The following ADRA1D variants were observed in gnomAD, a reference collection of about 807,000 sequenced individuals.
The protein encoded by ADRA1D is alpha-1D adrenergic receptor.
A neutral mutation model predicts 18.6 loss-of-function variants in ADRA1D; 22 were observed. That is an observed-to-expected ratio of 1.19 (90% confidence interval 0.85 to 1.69). The LOEUF (loss-of-function observed/expected upper bound fraction) is 1.69. Ranked by LOEUF, ADRA1D falls within the 40% of genes most tolerant of loss-of-function variation. The probability of loss-of-function intolerance (pLI) is 0.00; values close to 1 mark genes in which losing one functional copy is unlikely to be tolerated. For synonymous variants in ADRA1D, 376 were observed against 388.2 expected, an observed-to-expected ratio of 0.97 and a Z score of 0.37; for missense variants, 840 against 840.7, an observed-to-expected ratio of 1.00 and a Z score of 0.01.
chr20:4,243,782 C>T (rs1220662258), intron 1 of ADRA1D, among the ~76,000 whole-genome samples: 1 of 152,212 alleles, frequency 6.6e-6, no homozygotes, highest in Non-Finnish European at 1.5e-5. Context: ...CCCAGCCTTG[C>T]TCCCTGAAAT....
rs551512641 is a variant in ADRA1D at position 4,244,915 on chromosome 20, G to A, written c.1111+2932C>T. 2.6e-5 allele frequency among the ~76,000 whole-genome samples: 4 copies of A among 152,344 alleles called. No homozygotes were observed. The South Asian group carries it at 8.3e-4, about 32-fold the overall frequency. ...CCCTGGGCTCTGCTCTGAGGCACTC[G>A]GAAAGGTGCCCTGAGAAGCCTGGTG... On this transcript the variant is annotated intron_variant, in intron 1 of 1. Coordinates refer to ENST00000379453, the MANE Select transcript of ADRA1D (RefSeq NM_000678.4).
chr20:4,243,136 A>G (rs1212725480), intron 1 of ADRA1D, among the ~76,000 whole-genome samples: 1 of 151,872 alleles, frequency 6.6e-6, no homozygotes, highest in East Asian at 1.9e-4. Flanking sequence ...ATTGGCCTAG[A>G]CCTCTAGGGT....
intron 1 of ADRA1D, among the ~76,000 whole-genome samples, chr20:4,231,804 C>G (rs79151170): frequency 6.6e-6 from 1 of 152,210 alleles, no homozygotes; most frequent in East Asian, 1.9e-4. Context: ...AAACAGAACT[C>G]CCCTTGGGCT....
Position 4,221,681 on chromosome 20 carries a change from T to C in ADRA1D, c.1561A>G (p.Ile521Val), listed in dbSNP as rs1482769864. ...RAKVSSLSHK[I>V]RAGGAQRAEA... ...GCGCGCTGCGCGCCCCCGGCGCGGA[T>C]CTTGTGCGACAGGCTGGAGACTTTG... The change falls in exon 2 of 2, where the codon ATC (isoleucine) becomes GTC (valine). Residue 521 changes from isoleucine (I) to valine (V), a missense_variant. Transcript: ENST00000379453. The C allele has an allele frequency of 6.2e-7, 1 of 1,612,400 alleles. No individual in the cohort carries two copies. Among genetic ancestry groups the C allele is most frequent in the Non-Finnish European group, 8.5e-7 (1 of 1,179,588 alleles).
Position 4,248,289 on chromosome 20 carries a change from T to C in ADRA1D, c.669A>G (p.Val223=). 6.2e-7 allele frequency: 1 copy of C among 1,608,460 alleles called. No homozygotes were observed. Among genetic ancestry groups the C allele is most frequent in the South Asian group, 1.1e-5 (1 of 90,046 alleles). The change falls in exon 1 of 2, where the codon GTA becomes GTG. Residue 223 remains valine (V), a synonymous_variant. Coordinates refer to ENST00000379453, the MANE Select transcript of ADRA1D (RefSeq NM_000678.4). ...AAAILALLWV[V]ALVVSVGPLL... Reference sequence around the variant, plus strand: ...GGGGCCCTACGGACACCACCAGGGCTACGACCCAGAGCAGGGCCAGGATGG... The same window carrying C: ...GGGGCCCTACGGACACCACCAGGGCCACGACCCAGAGCAGGGCCAGGATGG...
intron 1 of ADRA1D, among the ~76,000 whole-genome samples, chr20:4,241,128 T>C (rs1981202044): frequency 6.6e-6 from 1 of 152,184 alleles, no homozygotes; most frequent in Admixed American, 6.5e-5. Flanking sequence ...GCTGTTATGC[T>C]AAGCGAAATA....
At chr20:4,243,888 C>A (rs1981275074) in intron 1 of ADRA1D, among the ~76,000 whole-genome samples, 1 of 152,320 alleles carries the variant, frequency 6.6e-6, no homozygotes, top group Non-Finnish European at 1.5e-5. Flanking sequence ...GAAAGCGGGG[C>A]AGCTGGAAGT....
At chr20:4,224,664 C>T (rs1389212912) in intron 1 of ADRA1D, among the ~76,000 whole-genome samples, 1 of 136,000 alleles carries the variant, frequency 7.4e-6, no homozygotes, top group Non-Finnish European at 1.6e-5. Context: ...CAGGGGTGTT[C>T]CATCCTGGAT....
chr20:4,221,299 A>G lies in ADRA1D; in HGVS notation c.*224T>C, dbSNP rs1980653329. The G allele has an allele frequency of 8.5e-6, 4 of 468,154 alleles. No homozygotes were observed. In the South Asian group the frequency reaches 2.0e-4, roughly 24 times the overall value. The allele number at this position is 468,154 out of a possible 1,614,324, so 29.0% of individuals were successfully genotyped here. ...AGCCCGCAGCCTCTCCCTTCTAAGA[A>G]AAGAGTTCTGGGCACCTGAGTCCAG... On this transcript the variant is annotated 3_prime_UTR_variant, in exon 2 of 2. Coordinates refer to ENST00000379453, the MANE Select transcript of ADRA1D (RefSeq NM_000678.4).
chr20:4,247,994 G>C lies in ADRA1D; in HGVS notation c.964C>G (p.Arg322Gly), dbSNP rs61759840. The change falls in exon 1 of 2, where the codon CGC becomes GGC. Residue 322 changes from arginine (R) to glycine (G), a missense_variant. Coordinates refer to ENST00000379453, the MANE Select transcript of ADRA1D (RefSeq NM_000678.4). ...ATGADGAHGMRSAKGHTFRSS... is the reference protein window; with the variant it reads ...ATGADGAHGMGSAKGHTFRSS... ...CGGAAGGTGTGGCCCTTGGCGCTGC[G>C]CATGCCGTGCGCCCCGTCGGCGCCC... The C allele has an allele frequency of 7.0e-6, 11 of 1,565,562 alleles. No individual in the cohort carries two copies. The Admixed American group carries it at 1.9e-4, about 27-fold the overall frequency.
Position 4,224,811 on chromosome 20 carries a change from C to T in ADRA1D, c.1112-2681G>A, listed in dbSNP as rs148934753. 1.2e-4 allele frequency among the ~76,000 whole-genome samples: 18 copies of T among 151,956 alleles called. No individual in the cohort carries two copies. The East Asian group carries it at 3.5e-3, about 29-fold the overall frequency. On this transcript the variant is annotated intron_variant, in intron 1 of 1. Coordinates refer to ENST00000379453, the MANE Select transcript of ADRA1D (RefSeq NM_000678.4). Reference sequence around the variant, plus strand: ...ATCCCTACTGAGGAGGCAGAGGCACCATTCCCCTCTCTTTGACCTGGGGAA... The same window carrying T: ...ATCCCTACTGAGGAGGCAGAGGCACTATTCCCCTCTCTTTGACCTGGGGAA...
chr20:4,223,947 G>A (rs1352284967), intron 1 of ADRA1D, among the ~76,000 whole-genome samples: 2 of 152,202 alleles, frequency 1.3e-5, no homozygotes, highest in Non-Finnish European at 2.9e-5. Flanking sequence ...CACTGCAGCT[G>A]TGTGTGCATG....
At chr20:4,246,287 C>T (rs1287428995) in intron 1 of ADRA1D, among the ~76,000 whole-genome samples, 1 of 152,116 alleles carries the variant, frequency 6.6e-6, no homozygotes, top group Non-Finnish European at 1.5e-5. Flanking sequence ...GTAATTACAA[C>T]CAATGATCTA....
At position 4,222,087 on chromosome 20, in the gene ADRA1D, CT is replaced by C. The variant is rs767014721; in HGVS notation, c.1154del (p.Lys385ArgfsTer13). 1 of 1,612,724 alleles carries C rather than the reference CT, an allele frequency of 6.2e-7. No homozygotes were observed. The highest frequency in any genetic ancestry group is 1.7e-5 in the Admixed American group (1 of 59,962). On this transcript the variant is annotated frameshift_variant, in exon 2 of 2. Coordinates refer to ENST00000379453, the MANE Select transcript of ADRA1D (RefSeq NM_000678.4). LOFTEE classifies it low-confidence loss of function (END_TRUNC). This position sits in a 1 kb window ranked among gnomAD's most constrained non-coding sequence, Gnocchi z 4.3. ...PQLKPSEGVF[K>X]VIFWLGYFNS... ...TGAAGTAGCCGAGCCAGAAGATGACCTTGAAGACGCCCTCCGATGGCTTCAG... is the reference window on the plus strand; with the variant it reads ...TGAAGTAGCCGAGCCAGAAGATGACCTGAAGACGCCCTCCGATGGCTTCAG...
chr20:4,224,767 CAA>C lies in ADRA1D; in HGVS notation c.1112-2639_1112-2638del, dbSNP rs35009840. ...ACCTTCTCTCTCTTCCTCTTGCCTT[CAA>C]AAAAAAAAGAGCAGGGATCCCTACT... On this transcript the variant is annotated intron_variant, in intron 1 of 1. Transcript: ENST00000379453. 4.7e-3 allele frequency among the ~76,000 whole-genome samples: 484 copies of C among 103,028 alleles called. 19 individuals are homozygous for C. The highest frequency in any genetic ancestry group is 0.015 in the African/African-American group (461 of 30,784). The allele number at this position is 103,028 out of a possible 152,430, so 67.6% of individuals were successfully genotyped here.
chr20:4,227,707 C>CCTTCCTTCCTTCCTTCCTTCCTTCCTTCA (rs1251091029), intron 1 of ADRA1D, among the ~76,000 whole-genome samples: 1 of 51,646 alleles, frequency 1.9e-5, no homozygotes, highest in African/African-American at 5.7e-5. Flanking sequence ...TCCCTCCCTC[C>CCTTCCTTCCTTCCTTCCTTCCTTCCTTCA]TTCCTTCCTT....
chr20:4,247,697 G>GA, intron 1 of ADRA1D, 150 bp downstream of exon 1: 1 of 859,242 alleles, frequency 1.2e-6, no homozygotes, highest in Non-Finnish European at 1.7e-6. Flanking sequence ...TCCACAAAAT[G>GA]GTGCATGCAC....
rs1419423804 is a variant in ADRA1D, at chr20:4,239,398, G to A, written c.1111+8449C>T. ...GGACAGAAGTCCCCATCAGTGTTGT[G>A]TTTTTCTTCTACTGAAAATAAAATG... is the stretch of plus-strand genomic sequence containing the variant. On this transcript the variant is annotated intron_variant, in intron 1 of 1. Coordinates refer to ENST00000379453, the MANE Select transcript of ADRA1D (RefSeq NM_000678.4). The surrounding 1 kb of genome is among the most constrained non-coding windows in gnomAD (Gnocchi z 4.9). 6.6e-6 allele frequency among the ~76,000 whole-genome samples: 1 copy of A among 152,174 alleles called. No individual in the cohort carries two copies. Among genetic ancestry groups the A allele is most frequent in the Non-Finnish European group, 1.5e-5 (1 of 68,024 alleles).
chr20:4,237,554 C>T (rs1355436183), intron 1 of ADRA1D, among the ~76,000 whole-genome samples: 2 of 151,692 alleles, frequency 1.3e-5, no homozygotes, highest in Non-Finnish European at 2.9e-5. Flanking sequence ...GAAGTGTGTG[C>T]CCTTAGCCCT....
Sources: allele counts gnomAD v4.1 joint callset (sites outside exome capture counted in the v4.1 genomes callset), GRCh38; gene constraint gnomAD v4.1.1; non-coding constraint Gnocchi (gnomAD v3.1); transcripts MANE v1.5; gene names NCBI Gene and HGNC (gene_info 2026-07-23, HGNC 2026-07-21).